Variants in GRM7 observed in about 807,000 individuals in gnomAD.
GRM7 encodes the protein glutamate metabotropic receptor 7.
A neutral mutation model predicts 84.5 loss-of-function variants in GRM7; 35 were observed. The ratio of observed to expected loss-of-function variants is 0.41; its 90% CI spans 0.32 to 0.55. The LOEUF (loss-of-function observed/expected upper bound fraction) is 0.55. GRM7 is among the 20% of genes least tolerant of loss of function. The pLI, the probability that GRM7 is intolerant of heterozygous loss-of-function variation, is 0.19. For synonymous variants in GRM7, 487 were observed against 455.1 expected, an observed-to-expected ratio of 1.07 and a Z score of -0.89; for missense variants, 1,003 against 1,194.6, an observed-to-expected ratio of 0.84 and a Z score of 2.36.
intron 1 of GRM7, among the ~76,000 whole-genome samples, chr3:7,021,664 T>A (rs1323742044): frequency 6.6e-6 from 1 of 152,152 alleles, no homozygotes; most frequent in East Asian, 1.9e-4. Flanking sequence ...TTTTTAATTG[T>A]ATAGTATTCT....
At chr3:7,066,331 A>C (rs1387910625) in intron 1 of GRM7, among the ~76,000 whole-genome samples, 1 of 151,984 alleles carries the variant, frequency 6.6e-6, no homozygotes, top group East Asian at 1.9e-4. Context: ...CTAAGAAATG[A>C]AACAGGAGAT....
intron 3 of GRM7, 132 bp from the exon 4 acceptor site, chr3:7,306,366 C>A (rs931444656): frequency 1.4e-6 from 1 of 702,206 alleles, no homozygotes; most frequent in Non-Finnish European, 2.5e-6. Context: ...GATATAAATT[C>A]TTTATCAAGT....
At chr3:7,677,544 G>A (rs754242281) in intron 8 of GRM7, among the ~76,000 whole-genome samples, 4 of 152,166 alleles carry the variant, frequency 2.6e-5, no homozygotes, top group Non-Finnish European at 5.9e-5. Context: ...ATTCAGGGAT[G>A]GAGGGGCTGT....
intron 1 of GRM7, among the ~76,000 whole-genome samples, chr3:6,918,504 C>G (rs1697017516): frequency 6.6e-6 from 1 of 152,136 alleles, no homozygotes; most frequent in Non-Finnish European, 1.5e-5. Context: ...GTTGTGTATC[C>G]TTGGAGAAAG....
At chr3:6,992,671 A>T (rs187822946) in intron 1 of GRM7, among the ~76,000 whole-genome samples, 5 of 152,324 alleles carry the variant, frequency 3.3e-5, no homozygotes, top group African/African-American at 1.2e-4. Flanking sequence ...AGTAAGGGAT[A>T]GAGACATGGA....
intron 2 of GRM7, among the ~76,000 whole-genome samples, chr3:7,249,573 A>T (rs2136153): frequency 2.0e-5 from 3 of 152,082 alleles, no homozygotes; most frequent in South Asian, 2.1e-4. Flanking sequence ...GTCTCTGATA[A>T]GGGAAACAAA....
intron 1 of GRM7, among the ~76,000 whole-genome samples, chr3:7,046,560 C>G (rs1696814281): frequency 6.6e-6 from 1 of 152,066 alleles, no homozygotes; most frequent in African/African-American, 2.4e-5. Context: ...GTTGTATTTT[C>G]TGGTTTGTAG....
chr3:6,867,919 T>G (rs1694991154), intron 1 of GRM7, among the ~76,000 whole-genome samples: 1 of 152,228 alleles, frequency 6.6e-6, no homozygotes, highest in Admixed American at 6.5e-5. Flanking sequence ...TATTTACAAC[T>G]AAATGTTTTT....
chr3:7,403,785 A>C (rs1695559846), intron 4 of GRM7, among the ~76,000 whole-genome samples: 1 of 151,218 alleles, frequency 6.6e-6, no homozygotes, highest in Admixed American at 6.6e-5. Context: ...ATGTGTATAT[A>C]TGTGAATATA....
rs572735913 is a variant in GRM7, at chr3:7,601,518, G to T, written c.2451+22161G>T. On this transcript the variant is annotated intron_variant, in intron 8 of 9. Transcript: ENST00000357716. ...AGATAACCCTTCAATCAGAGATCTG[G>T]TTACTCGACATAACCTTCTGAGGCT... Among the ~76,000 whole-genome samples, 13 of 152,136 alleles carry T rather than the reference G, an allele frequency of 8.5e-5. No individual in the cohort carries two copies. In the South Asian group the frequency reaches 2.1e-3, roughly 24 times the overall value.
intron 6 of GRM7, among the ~76,000 whole-genome samples, chr3:7,454,104 T>A (rs1485750679): frequency 8.4e-4 from 71 of 84,684 alleles, no homozygotes; most frequent in South Asian, 1.7e-3. Context: ...TCTCTCTCTC[T>A]CTCTCTCTCT....
chr3:7,392,721 C>T (rs535216043), intron 4 of GRM7, among the ~76,000 whole-genome samples: 4 of 152,302 alleles, frequency 2.6e-5, no homozygotes, highest in African/African-American at 9.6e-5. Flanking sequence ...GTCAGTCTGA[C>T]TCATGCCAAG....
At chr3:7,646,478 C>T (rs560322285) in intron 8 of GRM7, among the ~76,000 whole-genome samples, 23 of 152,232 alleles carry the variant, frequency 1.5e-4, no homozygotes, top group Middle Eastern at 3.4e-3. Flanking sequence ...AGACGTGAGC[C>T]GCCATGCCCC....
chr3:7,138,416 A>G lies in GRM7; in HGVS notation c.520-8036A>G, dbSNP rs1266259625. The stretch of plus-strand genomic sequence containing the variant: ...TTGTATATCAAAGATACCATGAATA[A>G]TACTAATAGTTACATATTCCTCTTT... On this transcript the variant is annotated intron_variant, in intron 1 of 9. Transcript: ENST00000357716. Among the ~76,000 whole-genome samples, 2 of 152,026 alleles carry G rather than the reference A, an allele frequency of 1.3e-5. 1 individual carries two copies. The highest frequency in any genetic ancestry group is 3.8e-4 in the East Asian group (2 of 5,198).
intron 1 of GRM7, among the ~76,000 whole-genome samples, chr3:6,961,052 A>C (rs115603069): frequency 0.019 from 2,923 of 152,206 alleles, 99 homozygotes; most frequent in African/African-American, 0.066. Context: ...ATTTACACTG[A>C]TCGTTTGCCC....
intron 7 of GRM7, among the ~76,000 whole-genome samples, chr3:7,530,286 G>T (rs1421888430): frequency 1.3e-5 from 2 of 152,060 alleles, no homozygotes; most frequent in East Asian, 3.9e-4. Context: ...CCTTTTTATG[G>T]CTGCATAGTA....
At chr3:7,022,367 G>GCACA (rs71307753) in intron 1 of GRM7, among the ~76,000 whole-genome samples, 3 of 145,638 alleles carry the variant, frequency 2.1e-5, no homozygotes, top group African/African-American at 7.7e-5. Context: ...ACACACACAT[G>GCACA]CACACACACA....
chr3:7,499,391 A>G (rs1227553747), intron 7 of GRM7, among the ~76,000 whole-genome samples: 10 of 152,176 alleles, frequency 6.6e-5, no homozygotes, highest in African/African-American at 1.9e-4. Context: ...CTGATAGTCA[A>G]TGAATTTGCA....
At position 7,093,640 on chromosome 3, in the gene GRM7, G is replaced by A. The variant is rs527657180; in HGVS notation, c.520-52812G>A. 1.0e-4 allele frequency among the ~76,000 whole-genome samples: 12 copies of A among 117,152 alleles called. 1 individual carries two copies. The South Asian group carries it at 3.5e-3, about 34-fold the overall frequency. The allele number at this position is 117,152 out of a possible 152,430, so 76.9% of individuals were successfully genotyped here. A position where few individuals can be genotyped will look rare whatever the true frequency, so the allele number is the denominator to read the frequency against. ...TGCAGTAACACTAGATCACACCACT[G>A]CACTCCAGCCTGGGCGATAGAGCAA... is the stretch of plus-strand genomic sequence containing the variant. On this transcript the variant is annotated intron_variant, in intron 1 of 9. Coordinates refer to ENST00000357716, the MANE Select transcript of GRM7 (RefSeq NM_000844.4).
Sources: gnomAD v4.1 joint callset for allele counts (sites outside exome capture counted in the v4.1 genomes callset) on GRCh38, gnomAD v4.1.1 for gene constraint, MANE v1.5 for transcripts, NCBI Gene and HGNC (gene_info 2026-07-23, HGNC 2026-07-21) for gene names.